The following NRG4 variants were observed in gnomAD, a reference collection of about 807,000 sequenced individuals.
NRG4 encodes the protein neuregulin 4, also known as pro-neuregulin-4, membrane-bound isoform.
In NRG4, 10 loss-of-function variants were observed where a neutral mutation model predicts 15.0. That is an observed-to-expected ratio of 0.67 (90% CI 0.41 to 1.13). The LOEUF is 1.13. Ranked by LOEUF, NRG4 falls within the 50% of genes most tolerant of loss-of-function variation. The pLI is 0.00. For synonymous variants in NRG4, 41 were observed against 50.1 expected (o/e 0.82, Z 0.77); for missense variants, 139 against 140.2 (o/e 0.99, Z 0.04).
downstream of NRG4, chr15:75,937,177 A>G (rs2030426572): frequency 6.6e-6 from 1 of 151,818 alleles, no homozygotes; most frequent in African/African-American, 2.4e-5. Flanking sequence ...TGGGTGGACT[A>G]GGAAGCTGCA....
rs377388512 is a variant in NRG4 at position 75,981,890 on chromosome 15, T to C, written c.105-19916A>G. On this transcript the variant is annotated intron_variant, in intron 3 of 5. Transcript: ENST00000394907. Reference sequence around the variant, plus strand: ...TTACCAATAAATTTGAAAACCTGGATGAATTGGAAAATTTTGCTTAAAAAT... The same window carrying C: ...TTACCAATAAATTTGAAAACCTGGACGAATTGGAAAATTTTGCTTAAAAAT... 3.3e-5 allele frequency among the ~76,000 whole-genome samples: 5 copies of C among 152,070 alleles called. No homozygotes were observed. The South Asian group carries it at 6.2e-4, about 19-fold the overall frequency.
chr15:76,030,019 G>T (rs1213761727), intron 5 of NRG4, among the ~76,000 whole-genome samples: 2 of 152,126 alleles, frequency 1.3e-5, no homozygotes, highest in Non-Finnish European at 2.9e-5. Flanking sequence ...AGCACTTTGG[G>T]AGGCCAAGGC....
At chr15:76,037,410 A>G (rs2035620801) in intron 4 of NRG4, among the ~76,000 whole-genome samples, 1 of 152,108 alleles carries the variant, frequency 6.6e-6, no homozygotes, top group African/African-American at 2.4e-5. Flanking sequence ...GAGCACAGAG[A>G]CTGTGAGACT....
At chr15:76,012,876 C>A (rs1214147993), upstream of NRG4, among the ~76,000 whole-genome samples, 1 of 151,966 alleles carries the variant, frequency 6.6e-6, no homozygotes, top group East Asian at 1.9e-4. Flanking sequence ...CTTGTAACAC[C>A]AAGTTCAATT....
intron 5 of NRG4, among the ~76,000 whole-genome samples, chr15:76,026,450 G>C (rs1281199577): frequency 1.3e-5 from 2 of 152,090 alleles, no homozygotes; most frequent in African/African-American, 2.4e-5. Context: ...TATCCTTCAG[G>C]AATAAAGGAG....
At chr15:75,967,456 A>ATTTTTTTTTTTTTTTTTTTTTTTTTTTTT (rs71140189) in intron 3 of NRG4, among the ~76,000 whole-genome samples, 3 of 100,178 alleles carry the variant, frequency 3.0e-5, no homozygotes, top group Non-Finnish European at 3.8e-5. Context: ...AAAATCTTAG[A>ATTTTTTTTTTTTTTTTTTTTTTTTTTTTT]TTTTTTTTTT....
intron 4 of NRG4, among the ~76,000 whole-genome samples, chr15:76,047,448 G>C (rs1310885429): frequency 1.3e-5 from 2 of 150,792 alleles, no homozygotes; most frequent in Non-Finnish European, 2.9e-5. Context: ...ATAAAAAAAA[G>C]AATAAAATCC....
chr15:76,028,414 T>C (rs893351222), intron 5 of NRG4, among the ~76,000 whole-genome samples: 6 of 151,998 alleles, frequency 3.9e-5, no homozygotes, highest in Non-Finnish European at 8.8e-5. Flanking sequence ...CTTGGATATA[T>C]ACAACCTACC....
chr15:76,048,787 A>G (rs1374727282), intron 4 of NRG4, among the ~76,000 whole-genome samples: 1 of 150,678 alleles, frequency 6.6e-6, no homozygotes, highest in African/African-American at 2.5e-5. Flanking sequence ...GTTCATGCCT[A>G]TAATCTCAGC....
chr15:75,978,980 T>C (rs535917031), intron 3 of NRG4, among the ~76,000 whole-genome samples: 10 of 152,296 alleles, frequency 6.6e-5, no homozygotes, highest in African/African-American at 2.4e-4. Flanking sequence ...GGCTTTTTTT[T>C]CCTGCAGAAT....
In NRG4 at chr15:75,950,934, A is replaced by T. The variant is rs545986410; in HGVS notation, c.331+4998T>A. ...TTTTCTTGCACAGCTGTCACTAAAG[A>T]TCATCACCATGCCAAGATTTCTTCA... On this transcript the variant is annotated intron_variant, in intron 5 of 5. Transcript: ENST00000394907. The T allele has an allele frequency of 1.5e-5, 3 of 202,508 alleles. No homozygotes were observed. In the East Asian group the frequency reaches 3.4e-4, roughly 23 times the overall value. 12.5% of individuals were successfully genotyped at this position (202,508 alleles called of 1,614,324 possible). A position where few individuals can be genotyped will look rare whatever the true frequency, so the allele number is the denominator to read the frequency against.
intron 3 of NRG4, among the ~76,000 whole-genome samples, chr15:75,997,122 G>T (rs2034244821): frequency 6.6e-6 from 1 of 151,854 alleles, no homozygotes; most frequent in Non-Finnish European, 1.5e-5. Flanking sequence ...AAAAAAATAT[G>T]TAAACTAAAT....
intron 4 of NRG4, among the ~76,000 whole-genome samples, chr15:76,049,841 A>G (rs915980103): frequency 7.3e-5 from 11 of 150,670 alleles, no homozygotes; most frequent in African/African-American, 2.7e-4. Flanking sequence ...CTGTTCTTTA[A>G]ATCTGTCCTC....
At chr15:76,023,883 C>G (rs2035232525) in intron 5 of NRG4, among the ~76,000 whole-genome samples, 1 of 152,200 alleles carries the variant, frequency 6.6e-6, no homozygotes, top group South Asian at 2.1e-4. Flanking sequence ...GCTGAGCCAG[C>G]TAAACTGCTG....
Position 75,963,858 on chromosome 15 carries a change from G to A in NRG4, c.105-1884C>T, listed in dbSNP as rs564759601. Among the ~76,000 whole-genome samples, 11 of 151,748 alleles carry A rather than the reference G, an allele frequency of 7.2e-5. No individual in the cohort carries two copies. In the South Asian group the frequency reaches 8.3e-4, roughly 11 times the overall value. ...CTCTGGAGGCTGAGGTGGGAAGATC[G>A]CTTAAGCCTAGGACTTTGAGGTTGC... On this transcript the variant is annotated intron_variant, in intron 3 of 5. Transcript: ENST00000394907.
At chr15:75,955,687 C>G (rs2032192491) in intron 5 of NRG4, among the ~76,000 whole-genome samples, 1 of 148,396 alleles carries the variant, frequency 6.7e-6, no homozygotes, top group Admixed American at 6.9e-5. Flanking sequence ...ATTAGAGCTA[C>G]ATCAGAATTT....
chr15:76,041,072 T>G (rs334923), intron 4 of NRG4, among the ~76,000 whole-genome samples: 16,445 of 152,216 alleles, frequency 0.11, 2,280 homozygotes, highest in African/African-American at 0.33. Flanking sequence ...GTCTATGCAA[T>G]CAGTGTTAAG....
At chr15:76,050,138 G>A (rs181881971) in intron 4 of NRG4, among the ~76,000 whole-genome samples, 5 of 150,858 alleles carry the variant, frequency 3.3e-5, no homozygotes, top group Admixed American at 1.3e-4. Context: ...AACTGTCTGC[G>A]TTTCAAAGTA....
chr15:75,993,517 T>G (rs1241648029), intron 3 of NRG4, among the ~76,000 whole-genome samples: 1 of 151,110 alleles, frequency 6.6e-6, no homozygotes, highest in Non-Finnish European at 1.5e-5. Context: ...CTGGCCAGCA[T>G]GGTGAAACCT....
Sources: allele counts gnomAD v4.1 joint callset (sites outside exome capture counted in the v4.1 genomes callset), GRCh38; gene constraint gnomAD v4.1.1; transcripts MANE v1.5; gene names NCBI Gene and HGNC (gene_info 2026-07-23, HGNC 2026-07-21).